The following CAMK1D variants were observed in gnomAD, a reference collection of about 807,000 sequenced individuals.
CAMK1D encodes the protein calcium/calmodulin-dependent protein kinase type 1D.
In CAMK1D, 9 loss-of-function variants were observed where a neutral mutation model predicts 47.7. That is an observed-to-expected ratio of 0.19 (90% CI 0.11 to 0.33). CAMK1D has a LOEUF of 0.33. Among genes scored for constraint, CAMK1D ranks in the 10% least tolerant of loss-of-function variants. CAMK1D has a pLI of 1.00. For missense variants in CAMK1D, 291 were observed against 488.7 expected, an observed-to-expected ratio of 0.60 and a Z score of 3.81; for synonymous variants, 184 against 184.9, an observed-to-expected ratio of 0.99 and a Z score of 0.04.
intron 1 of CAMK1D, among the ~76,000 whole-genome samples, chr10:12,408,046 CG>C (rs1839508821): frequency 6.6e-6 from 1 of 152,022 alleles, no homozygotes; most frequent in South Asian, 2.1e-4. Flanking sequence ...TTAGTAGAGA[CG>C]GTGTTTTACC....
chr10:12,570,477 G>C (rs1837289240), intron 2 of CAMK1D, among the ~76,000 whole-genome samples: 1 of 151,964 alleles, frequency 6.6e-6, no homozygotes, highest in Non-Finnish European at 1.5e-5. Context: ...TCAGGAGTTT[G>C]AGACCAGGCT....
intron 5 of CAMK1D, among the ~76,000 whole-genome samples, chr10:12,780,066 C>A (rs368346455): frequency 6.6e-6 from 1 of 151,964 alleles, no homozygotes; most frequent in African/African-American, 2.4e-5. Flanking sequence ...TCATCTTGTT[C>A]TTCTCTAAAA....
chr10:12,407,484 C>T (rs949860192), intron 1 of CAMK1D, among the ~76,000 whole-genome samples: 6 of 152,240 alleles, frequency 3.9e-5, no homozygotes, highest in Admixed American at 1.3e-4. Context: ...TCTGCTGAGC[C>T]ACAGTGTTGT....
At chr10:12,631,680 C>T (rs770735232) in intron 2 of CAMK1D, among the ~76,000 whole-genome samples, 4 of 144,214 alleles carry the variant, frequency 2.8e-5, no homozygotes, top group Admixed American at 7.1e-5. Flanking sequence ...CTTGTTCCCA[C>T]GTTAATCCTT....
intron 3 of CAMK1D, among the ~76,000 whole-genome samples, chr10:12,692,529 T>G (rs1329523640): frequency 1.3e-5 from 2 of 152,206 alleles, no homozygotes; most frequent in Non-Finnish European, 2.9e-5. Flanking sequence ...TATATGGAGT[T>G]GCAAAACCCT....
intron 1 of CAMK1D, among the ~76,000 whole-genome samples, chr10:12,382,967 G>A (rs568207340): frequency 6.6e-6 from 1 of 150,728 alleles, no homozygotes; most frequent in Non-Finnish European, 1.5e-5. Flanking sequence ...GTTGGCACAT[G>A]GAAGAGAAAT....
At chr10:12,630,681 C>T (rs1299341939) in intron 2 of CAMK1D, among the ~76,000 whole-genome samples, 1 of 152,144 alleles carries the variant, frequency 6.6e-6, no homozygotes, top group African/African-American at 2.4e-5. Flanking sequence ...GGCCTCTCCT[C>T]CCAAAGTGCT....
intron 1 of CAMK1D, among the ~76,000 whole-genome samples, chr10:12,390,485 TG>T (rs1268866553): frequency 2.6e-5 from 4 of 152,220 alleles, no homozygotes; most frequent in Non-Finnish European, 4.4e-5. Flanking sequence ...TCACTATATC[TG>T]TCTCTGCGTC....
intron 1 of CAMK1D, among the ~76,000 whole-genome samples, chr10:12,427,872 T>G (rs2131983083): frequency 6.6e-6 from 1 of 151,602 alleles, no homozygotes; most frequent in Admixed American, 6.6e-5. Flanking sequence ...CATGCCTGGC[T>G]GATTTTTCCA....
At chr10:12,722,271 C>A (rs1201296819) in intron 3 of CAMK1D, among the ~76,000 whole-genome samples, 1 of 151,390 alleles carries the variant, frequency 6.6e-6, no homozygotes. Flanking sequence ...CAGTGAAACC[C>A]CATCTCTACT....
chr10:12,824,669 C>T, intron 9 of CAMK1D, 117 bp downstream of exon 9: 1 of 761,860 alleles, frequency 1.3e-6, no homozygotes. Context: ...CTAATTTTAA[C>T]TGCAAGTAAT....
intron 5 of CAMK1D, among the ~76,000 whole-genome samples, chr10:12,782,544 ATCT>A (rs1305537760): frequency 2.0e-5 from 3 of 152,180 alleles, no homozygotes; most frequent in Non-Finnish European, 4.4e-5. Context: ...TTTGAGAGAA[ATCT>A]TCTCGTGTCT....
At chr10:12,669,319 G>A (rs1301444368) in intron 3 of CAMK1D, among the ~76,000 whole-genome samples, 6 of 152,150 alleles carry the variant, frequency 3.9e-5, no homozygotes, top group African/African-American at 1.4e-4. Context: ...AGAGGAATTA[G>A]GGTGGGATTA....
intron 9 of CAMK1D, 27 bp downstream of exon 9, chr10:12,824,579 C>T (rs770274557): frequency 3.0e-5 from 47 of 1,562,512 alleles, no homozygotes; most frequent in East Asian, 1.3e-4. Context: ...TGAAATTCCC[C>T]GTGGATTAAC....
intron 1 of CAMK1D, among the ~76,000 whole-genome samples, chr10:12,407,299 A>C (rs1370859845): frequency 6.6e-6 from 1 of 152,244 alleles, no homozygotes; most frequent in African/African-American, 2.4e-5. Context: ...ACCCAGCCCC[A>C]GCTTAAAACC....
intron 2 of CAMK1D, among the ~76,000 whole-genome samples, chr10:12,621,242 A>T (rs1454605544): frequency 1.4e-5 from 1 of 70,382 alleles, no homozygotes; most frequent in Non-Finnish European, 4.8e-5. Flanking sequence ...TGTTTTTCAG[A>T]GTTGTTTAGC....
At position 12,574,452 on chromosome 10, in the gene CAMK1D, C is replaced by T. The variant is rs191528785; in HGVS notation, c.224+21096C>T. Among the ~76,000 whole-genome samples the T allele has an allele frequency of 4.3e-3, 648 of 150,362 alleles. 5 individuals are homozygous for T. Among genetic ancestry groups the T allele is most frequent in the African/African-American group, 0.015 (615 of 40,818 alleles). On this transcript the variant is annotated intron_variant, in intron 2 of 10. Coordinates refer to ENST00000619168, the MANE Select transcript of CAMK1D (RefSeq NM_153498.4). ...GAGTAGCTGGGATTACAGGTGCACACCACCACGCCTAGCTAATTTTTTTTT... is the reference window on the plus strand; with the variant it reads ...GAGTAGCTGGGATTACAGGTGCACATCACCACGCCTAGCTAATTTTTTTTT...
At chr10:12,710,184 T>C (rs1281000763) in intron 3 of CAMK1D, among the ~76,000 whole-genome samples, 2 of 152,236 alleles carry the variant, frequency 1.3e-5, no homozygotes, top group East Asian at 3.8e-4. Context: ...AACTATCAGC[T>C]TCACAGACAC....
intron 2 of CAMK1D, among the ~76,000 whole-genome samples, chr10:12,584,848 G>A (rs552736062): frequency 6.6e-6 from 1 of 152,154 alleles, no homozygotes; most frequent in Non-Finnish European, 1.5e-5. Flanking sequence ...AGGCCCAGTA[G>A]CTTGCCAAAA....
Sources: gnomAD v4.1 joint callset for allele counts (sites outside exome capture counted in the v4.1 genomes callset) on GRCh38, gnomAD v4.1.1 for gene constraint, MANE v1.5 for transcripts, NCBI Gene and HGNC (gene_info 2026-07-23, HGNC 2026-07-21) for gene names.